The following GALNT13 variants were observed in gnomAD, a reference collection of about 807,000 sequenced individuals.
GALNT13 encodes the protein polypeptide N-acetylgalactosaminyltransferase 13.
GALNT13 carries 28 observed loss-of-function variants against 64.2 expected under a neutral mutation model. The observed-to-expected ratio is 0.44, with a 90% CI of 0.32 to 0.60. The LOEUF (loss-of-function observed/expected upper bound fraction) is 0.60, where lower values mean the gene tolerates loss of function less well. Among genes scored for constraint, GALNT13 ranks in the 20% least tolerant of loss-of-function variants. The pLI is 0.05. For missense variants in GALNT13, 577 were observed against 669.8 expected (o/e 0.86, Z 1.53); for synonymous variants, 214 against 224.6 (o/e 0.95, Z 0.42).
At chr2:153,694,406 G>A in the GALNT13 span, among the ~76,000 whole-genome samples, 1 of 152,072 alleles carries the variant, frequency 6.6e-6, no homozygotes, top group Non-Finnish European at 1.5e-5. Flanking sequence ...TTCAGGACTG[G>A]TTAATTATGT....
the GALNT13 span, among the ~76,000 whole-genome samples, chr2:153,609,189 A>G: frequency 7.1e-6 from 1 of 140,532 alleles, no homozygotes; most frequent in Non-Finnish European, 1.6e-5. Flanking sequence ...TCAGCCCCCC[A>G]AAGTGCTGCA....
the GALNT13 span, among the ~76,000 whole-genome samples, chr2:153,176,210 T>A: frequency 6.6e-6 from 1 of 152,088 alleles, no homozygotes; most frequent in African/African-American, 2.4e-5. Flanking sequence ...TGAGGCTAAT[T>A]AAAAGTGCTA....
At chr2:153,239,333 C>G in the GALNT13 span, among the ~76,000 whole-genome samples, 4 of 152,038 alleles carry the variant, frequency 2.6e-5, no homozygotes, top group Admixed American at 6.6e-5. Flanking sequence ...TTATTTCTTT[C>G]TGTAGTCTGA....
At chr2:154,080,411 G>T (rs543229406) in intron 3 of GALNT13, among the ~76,000 whole-genome samples, 2 of 151,570 alleles carry the variant, frequency 1.3e-5, no homozygotes, top group Non-Finnish European at 3.0e-5. Context: ...AATAAAGGGA[G>T]TACAAAGTCA....
chr2:153,779,102 G>A, the GALNT13 span, among the ~76,000 whole-genome samples: 1 of 152,012 alleles, frequency 6.6e-6, no homozygotes, highest in Non-Finnish European at 1.5e-5. Flanking sequence ...CTAATACAGT[G>A]CCTAGTACAT....
the GALNT13 span, among the ~76,000 whole-genome samples, chr2:153,260,711 C>T: frequency 1.3e-5 from 2 of 152,068 alleles, no homozygotes; most frequent in Non-Finnish European, 2.9e-5. Context: ...GTTCTATAAC[C>T]TTCTACTTGA....
chr2:153,355,598 A>G, the GALNT13 span, among the ~76,000 whole-genome samples: 39 of 152,342 alleles, frequency 2.6e-4, no homozygotes, highest in South Asian at 7.9e-3. Context: ...ATGGTTTTGT[A>G]ATATCATTCC....
At chr2:153,707,800 G>A in the GALNT13 span, among the ~76,000 whole-genome samples, 1 of 152,226 alleles carries the variant, frequency 6.6e-6, no homozygotes, top group African/African-American at 2.4e-5. Context: ...TGTGAGTATG[G>A]ACTCTGAGGG....
chr2:153,728,731 T>C, the GALNT13 span, among the ~76,000 whole-genome samples: 59 of 151,986 alleles, frequency 3.9e-4, 1 homozygote, highest in Middle Eastern at 0.017. Context: ...ATTAACAAAA[T>C]AGATCACTAG....
chr2:153,727,183 G>T, the GALNT13 span, among the ~76,000 whole-genome samples: 56 of 152,118 alleles, frequency 3.7e-4, no homozygotes, highest in African/African-American at 1.3e-3. Flanking sequence ...CATAATCAAG[G>T]TGTTTCTGAT....
chr2:153,766,444 C>T, the GALNT13 span, among the ~76,000 whole-genome samples: 11 of 152,190 alleles, frequency 7.2e-5, no homozygotes, highest in African/African-American at 2.6e-4. Flanking sequence ...TTTCTTTAAA[C>T]ATGTTTTCTG....
At chr2:153,170,873 T>A in the GALNT13 span, among the ~76,000 whole-genome samples, 26 of 152,236 alleles carry the variant, frequency 1.7e-4, 1 homozygote, top group Non-Finnish European at 2.9e-5. Flanking sequence ...ATTCATCCAT[T>A]TGTCTAATAT....
At chr2:153,607,916 A>G in the GALNT13 span, among the ~76,000 whole-genome samples, 1 of 152,164 alleles carries the variant, frequency 6.6e-6, no homozygotes, top group East Asian at 1.9e-4. Flanking sequence ...AGTTAGCTAG[A>G]TTCCCTAAAG....
intron 9 of GALNT13, among the ~76,000 whole-genome samples, chr2:154,359,611 A>T (rs889077336): frequency 6.6e-6 from 1 of 152,138 alleles, no homozygotes; most frequent in Non-Finnish European, 1.5e-5. Flanking sequence ...ACAATGTAAG[A>T]CAATCTGCTT....
intron 3 of GALNT13, among the ~76,000 whole-genome samples, chr2:154,069,578 A>C (rs2105385995): frequency 1.3e-5 from 2 of 152,108 alleles, no homozygotes; most frequent in Middle Eastern, 3.4e-3. Context: ...GGTGGACATT[A>C]AATAATTTTA....
chr2:154,106,606 G>C (rs771628445), intron 3 of GALNT13, among the ~76,000 whole-genome samples: 67 of 151,710 alleles, frequency 4.4e-4, no homozygotes, highest in Non-Finnish European at 9.1e-4. Context: ...ATTTATTATA[G>C]ATTATTATAG....
chr2:154,008,159 G>C (rs1467234289), intron 3 of GALNT13, among the ~76,000 whole-genome samples: 1 of 152,148 alleles, frequency 6.6e-6, no homozygotes, highest in South Asian at 2.1e-4. Context: ...TTTTGAATAG[G>C]AGTGGTGGGA....
chr2:153,309,275 T>G, the GALNT13 span, among the ~76,000 whole-genome samples: 2 of 152,150 alleles, frequency 1.3e-5, no homozygotes. Flanking sequence ...GGCACACAAG[T>G]GTACCCTTTA....
chr2:153,644,659 T>G, the GALNT13 span, among the ~76,000 whole-genome samples: 4 of 152,018 alleles, frequency 2.6e-5, no homozygotes, highest in South Asian at 8.3e-4. Flanking sequence ...CCTCTACCCC[T>G]TCACCAACCC....
Sources: allele counts gnomAD v4.1 joint callset (sites outside exome capture counted in the v4.1 genomes callset), GRCh38; gene constraint gnomAD v4.1.1; transcripts MANE v1.5; gene names NCBI Gene and HGNC (gene_info 2026-07-23, HGNC 2026-07-21).